The following PDE8A variants were observed in gnomAD, a reference collection of about 807,000 sequenced individuals.
The protein encoded by PDE8A is high affinity cAMP-specific and IBMX-insensitive 3',5'-cyclic phosphodiesterase 8A.
Under a neutral mutation model 105.0 loss-of-function variants are expected in PDE8A, and 59 were observed. The ratio of observed to expected loss-of-function variants is 0.56; its 90% CI spans 0.46 to 0.70. The LOEUF (loss-of-function observed/expected upper bound fraction) is 0.70. Ranked by LOEUF, PDE8A falls within the 30% of genes least tolerant of loss-of-function variation. The pLI is 0.00. For synonymous variants in PDE8A, 355 were observed against 371.9 expected (o/e 0.95, Z 0.52); for missense variants, 1,014 against 1,045.9 (o/e 0.97, Z 0.42).
intron 11 of PDE8A, among the ~76,000 whole-genome samples, chr15:85,108,508 C>T (rs1004351533): frequency 5.3e-5 from 8 of 152,036 alleles, no homozygotes; most frequent in African/African-American, 1.4e-4. Flanking sequence ...AGACAGTCCC[C>T]GTTTGAAGCC....
At chr15:85,072,977 GT>G (rs34450665) in intron 3 of PDE8A, among the ~76,000 whole-genome samples, 47,380 of 151,886 alleles carry the variant, frequency 0.31, 7,980 homozygotes, top group African/African-American at 0.45. Flanking sequence ...ACCAAGCATG[GT>G]TGGCACTTGC....
intron 3 of PDE8A, among the ~76,000 whole-genome samples, chr15:85,070,159 G>A (rs1192286525): frequency 6.6e-6 from 1 of 152,070 alleles, no homozygotes; most frequent in Non-Finnish European, 1.5e-5. Flanking sequence ...AATCAACACT[G>A]CCTATGGAGA....
chr15:85,100,236 T>G, intron 11 of PDE8A, 38 bp downstream of exon 11: 1 of 1,557,590 alleles, frequency 6.4e-7, no homozygotes, highest in Non-Finnish European at 8.8e-7. Context: ...GTTCATTGAG[T>G]TTTTGGAGAA....
intron 5 of PDE8A, among the ~76,000 whole-genome samples, chr15:85,079,055 C>G (rs1013960044): frequency 6.6e-6 from 1 of 152,134 alleles, no homozygotes; most frequent in Non-Finnish European, 1.5e-5. Flanking sequence ...TAAACCCTGC[C>G]ATGTGCATAC....
chr15:84,999,832 C>T (rs1233870023), intron 1 of PDE8A, among the ~76,000 whole-genome samples: 1 of 152,070 alleles, frequency 6.6e-6, no homozygotes, highest in East Asian at 1.9e-4. Context: ...CCTCGGCCTC[C>T]CAAAGTGCTG....
At chr15:85,064,156 C>A in intron 1 of PDE8A, 1 of 475,964 alleles carries the variant, frequency 2.1e-6, no homozygotes, top group East Asian at 3.3e-5. Context: ...TTTATTTGTT[C>A]ATTTTATTTC....
chr15:84,995,878 T>C (rs1430093662), intron 1 of PDE8A, among the ~76,000 whole-genome samples: 1 of 152,162 alleles, frequency 6.6e-6, no homozygotes, highest in Non-Finnish European at 1.5e-5. Context: ...TGAGAGTGCT[T>C]TGTGGTGCAT....
chr15:85,052,272 G>A lies in PDE8A; in HGVS notation c.187-12098G>A, dbSNP rs141162999. On this transcript the variant is annotated intron_variant, in intron 1 of 21. Transcript: ENST00000394553. The stretch of plus-strand genomic sequence containing the variant: ...AGTCTTTGCTATTGTGAATAGCGCC[G>A]CAATAAACATATGTGTGCATGTGTC... Among the ~76,000 whole-genome samples the A allele has an allele frequency of 1.7e-3, 263 of 152,226 alleles. 10 individuals are homozygous for A. In the East Asian group the frequency reaches 0.043, roughly 25 times the overall value.
intron 1 of PDE8A, among the ~76,000 whole-genome samples, chr15:85,010,366 G>C (rs555446429): frequency 6.6e-6 from 1 of 152,272 alleles, no homozygotes; most frequent in Non-Finnish European, 1.5e-5. Flanking sequence ...CTTAGCATGT[G>C]CTTTAGCCTC....
At chr15:85,007,047 A>C (rs112992219) in intron 1 of PDE8A, among the ~76,000 whole-genome samples, 1 of 152,174 alleles carries the variant, frequency 6.6e-6, no homozygotes, top group African/African-American at 2.4e-5. Context: ...TCTTCTGTAC[A>C]TGGGTGAAAG....
intron 1 of PDE8A, among the ~76,000 whole-genome samples, chr15:84,985,142 G>C (rs2079782070): frequency 6.6e-6 from 1 of 152,194 alleles, no homozygotes; most frequent in African/African-American, 2.4e-5. Flanking sequence ...GTGTATGTCA[G>C]GCAGGCCACA....
upstream of PDE8A, among the ~76,000 whole-genome samples, chr15:84,981,520 G>C (rs981584090): frequency 6.6e-6 from 1 of 152,126 alleles, no homozygotes; most frequent in Non-Finnish European, 1.5e-5. Context: ...TGGCCCGGCC[G>C]CTCCGAGGGG....
At position 85,053,891 on chromosome 15, in the gene PDE8A, G is replaced by T. The variant is rs530848719; in HGVS notation, c.187-10479G>T. ...TGGTGAGAGAGGGCATCCCTGTCTT[G>T]TGCCAGTTTTCAAAGGGAATGCTTC... On this transcript the variant is annotated intron_variant, in intron 1 of 21. Transcript: ENST00000394553. Among the ~76,000 whole-genome samples the T allele has an allele frequency of 7.7e-3, 1,170 of 152,264 alleles. 6 individuals are homozygous for T. Among genetic ancestry groups the T allele is most frequent in the Admixed American group, 0.011 (169 of 15,302 alleles).
chr15:85,077,421 A>C (rs1038661757), intron 5 of PDE8A, among the ~76,000 whole-genome samples: 1 of 152,226 alleles, frequency 6.6e-6, no homozygotes, highest in Admixed American at 6.5e-5. Context: ...TTTGTAGCCC[A>C]GGTTAGTATA....
chr15:85,110,692 T>C (rs949913797), intron 12 of PDE8A, among the ~76,000 whole-genome samples: 1 of 152,244 alleles, frequency 6.6e-6, no homozygotes, highest in Non-Finnish European at 1.5e-5. Flanking sequence ...CATCTTCTTC[T>C]TGTTTCCATT....
intron 9 of PDE8A, chr15:85,099,729 T>C (rs1253802665): frequency 2.0e-5 from 8 of 399,162 alleles, no homozygotes; most frequent in Non-Finnish European, 3.6e-5. Flanking sequence ...AGGCTCTCAG[T>C]TGGTTAACAT....
In PDE8A at chr15:85,108,933, A is replaced by T; in HGVS notation, c.1037-120A>T. The T allele has an allele frequency of 4.5e-6, 3 of 660,342 alleles. No homozygotes were observed. The East Asian group carries it at 8.1e-5, about 18-fold the overall frequency. The allele number at this position is 660,342 out of a possible 1,614,324, so 40.9% of individuals were successfully genotyped here. A position where few individuals can be genotyped will look rare whatever the true frequency, so the allele number is the denominator to read the frequency against. On this transcript the variant is annotated intron_variant, in intron 11 of 21. Transcript: ENST00000394553. ...TAGTCTTCATCTCTGTACTGTGTTT[A>T]CTTTTGTGGCATTTAAAACATTTAA...
chr15:85,103,813 C>T (rs1393258377), intron 11 of PDE8A, among the ~76,000 whole-genome samples: 2 of 152,140 alleles, frequency 1.3e-5, no homozygotes, highest in African/African-American at 2.4e-5. Flanking sequence ...GTTCTCACCA[C>T]GGGTAGCATA....
At position 85,012,211 on chromosome 15, in the gene PDE8A, G is replaced by T. The variant is rs1447770972; in HGVS notation, c.186+29863G>T. Among the ~76,000 whole-genome samples the T allele has an allele frequency of 4.6e-5, 7 of 152,240 alleles. No individual in the cohort carries two copies. The East Asian group carries it at 1.4e-3, about 29-fold the overall frequency. ...TCTCATTACTGGGTGTATACCCAAA[G>T]GACTATAAATCATGCTGCTATAAAG... On this transcript the variant is annotated intron_variant, in intron 1 of 21. Coordinates refer to ENST00000394553, the MANE Select transcript of PDE8A (RefSeq NM_002605.3).
Sources: allele counts gnomAD v4.1 joint callset (sites outside exome capture counted in the v4.1 genomes callset), GRCh38; gene constraint gnomAD v4.1.1; transcripts MANE v1.5; gene names NCBI Gene and HGNC (gene_info 2026-07-23, HGNC 2026-07-21).